Variants in HCN1 observed in about 807,000 individuals in gnomAD.
HCN1 encodes potassium/sodium hyperpolarization-activated cyclic nucleotide-gated channel 1.
Under a neutral mutation model 78.9 loss-of-function variants are expected in HCN1, and 13 were observed. That is an observed-to-expected ratio of 0.16 (90% CI 0.11 to 0.26). The LOEUF is 0.26. Ranked by LOEUF, HCN1 falls within the 10% of genes least tolerant of loss-of-function variation. HCN1 has a pLI of 1.00. For missense variants in HCN1, 810 were observed against 1,154.3 expected, an observed-to-expected ratio of 0.70 and a Z score of 4.32; for synonymous variants, 552 against 455.5, an observed-to-expected ratio of 1.21 and a Z score of -2.70.
intron 1 of HCN1, among the ~76,000 whole-genome samples, chr5:45,672,300 T>C (rs914022942): frequency 2.0e-5 from 3 of 151,580 alleles, no homozygotes; most frequent in African/African-American, 7.3e-5. Flanking sequence ...ATTATTCTCG[T>C]ACAGAATTTT....
chr5:45,325,994 G>A (rs953782679), intron 5 of HCN1, among the ~76,000 whole-genome samples: 1 of 151,234 alleles, frequency 6.6e-6, no homozygotes, highest in Non-Finnish European at 1.5e-5. Context: ...AAAAAAAAAG[G>A]AGGGCTGATG....
At chr5:45,653,664 T>C (rs1241854731) in intron 1 of HCN1, among the ~76,000 whole-genome samples, 1 of 152,014 alleles carries the variant, frequency 6.6e-6, no homozygotes. Flanking sequence ...GGGTTTATTA[T>C]AGCATTACAC....
At position 45,549,723 on chromosome 5, in the gene HCN1, G is replaced by A. The variant is rs1440313246; in HGVS notation, c.850-87716C>T. ...GAGTGAACAGGCAACCTACAGAATG[G>A]GAGAAAATTTTTGCAATCTACTCAT... On this transcript the variant is annotated intron_variant, in intron 2 of 7. Coordinates refer to ENST00000303230, the MANE Select transcript of HCN1 (RefSeq NM_021072.4). 2.0e-5 allele frequency among the ~76,000 whole-genome samples: 3 copies of A among 151,970 alleles called. No individual in the cohort carries two copies. In the East Asian group the frequency reaches 5.8e-4, roughly 29 times the overall value.
chr5:45,285,959 A>G (rs1482100886), intron 6 of HCN1, among the ~76,000 whole-genome samples: 1 of 151,924 alleles, frequency 6.6e-6, no homozygotes, highest in Non-Finnish European at 1.5e-5. Context: ...CTTTCTTTAT[A>G]GTTTGGGGAG....
At chr5:45,365,051 C>A (rs917824574) in intron 4 of HCN1, among the ~76,000 whole-genome samples, 3 of 151,914 alleles carry the variant, frequency 2.0e-5, no homozygotes, top group African/African-American at 7.2e-5. Context: ...TTAATATGTT[C>A]TAAAATATTA....
chr5:45,553,184 C>G (rs1743404322), intron 2 of HCN1, among the ~76,000 whole-genome samples: 1 of 151,882 alleles, frequency 6.6e-6, no homozygotes, highest in Admixed American at 6.6e-5. Flanking sequence ...ACTCCTATCA[C>G]AGGAACGGTG....
chr5:45,449,125 G>A (rs1740858184), intron 3 of HCN1, among the ~76,000 whole-genome samples: 1 of 152,104 alleles, frequency 6.6e-6, no homozygotes, highest in Non-Finnish European at 1.5e-5. Context: ...GTTTTATTTA[G>A]TTGGCATATA....
At chr5:45,660,874 T>A (rs1158024489) in intron 1 of HCN1, among the ~76,000 whole-genome samples, 1 of 117,874 alleles carries the variant, frequency 8.5e-6, no homozygotes. Context: ...AACACCCCAC[T>A]GTCAACATTA....
intron 2 of HCN1, among the ~76,000 whole-genome samples, chr5:45,629,975 A>G (rs971124746): frequency 2.0e-5 from 3 of 152,112 alleles, no homozygotes; most frequent in African/African-American, 7.2e-5. Context: ...TAAGTAAAAT[A>G]AAGATTAATT....
At chr5:45,432,371 T>C (rs192848627) in intron 3 of HCN1, among the ~76,000 whole-genome samples, 12 of 152,286 alleles carry the variant, frequency 7.9e-5, no homozygotes, top group Admixed American at 5.9e-4. Context: ...AATCATTTTC[T>C]CTGCAAAGGG....
rs1000481532 is a variant in HCN1, at chr5:45,501,926, T to G, written c.850-39919A>C. 2.6e-5 allele frequency among the ~76,000 whole-genome samples: 4 copies of G among 152,062 alleles called. No individual in the cohort carries two copies. The East Asian group carries it at 5.8e-4, about 22-fold the overall frequency. ...TTCTTCTCCATGTTGTTTGGCCAGG[T>G]GGGGTGCATGTAATTTAGTTTAGAT... On this transcript the variant is annotated intron_variant, in intron 2 of 7. Coordinates refer to ENST00000303230, the MANE Select transcript of HCN1 (RefSeq NM_021072.4).
intron 3 of HCN1, among the ~76,000 whole-genome samples, chr5:45,455,011 A>T (rs1272336902): frequency 6.6e-6 from 1 of 152,062 alleles, no homozygotes; most frequent in Non-Finnish European, 1.5e-5. Flanking sequence ...TCCTGATCTA[A>T]AGCCAGCTAA....
At chr5:45,523,912 G>T (rs1742671133) in intron 2 of HCN1, among the ~76,000 whole-genome samples, 1 of 152,132 alleles carries the variant, frequency 6.6e-6, no homozygotes, top group African/African-American at 2.4e-5. Flanking sequence ...TGCTTTTGGG[G>T]TTTTGGACAT....
chr5:45,361,883 G>T (rs1747118049), intron 4 of HCN1, among the ~76,000 whole-genome samples: 1 of 152,106 alleles, frequency 6.6e-6, no homozygotes, highest in East Asian at 1.9e-4. Context: ...TTGAAAAAAA[G>T]TGATGATGAG....
intron 5 of HCN1, among the ~76,000 whole-genome samples, chr5:45,329,455 T>C (rs930498092): frequency 6.6e-6 from 1 of 150,994 alleles, no homozygotes; most frequent in Admixed American, 6.6e-5. Context: ...TTAGGAAAAA[T>C]CAAGGAAAAG....
chr5:45,448,004 T>C (rs1006558846), intron 3 of HCN1, among the ~76,000 whole-genome samples: 16 of 151,840 alleles, frequency 1.1e-4, no homozygotes, highest in African/African-American at 3.9e-4. Flanking sequence ...CTGCTATATG[T>C]TTTTTATAAA....
At chr5:45,461,135 T>G (rs73101235) in intron 3 of HCN1, among the ~76,000 whole-genome samples, 16,066 of 151,936 alleles carry the variant, frequency 0.11, 1,027 homozygotes, top group Middle Eastern at 0.17. Flanking sequence ...AAAATATATA[T>G]AGAGAGATTT....
At chr5:45,404,693 C>CAAAAAAAAAAAAAAAAAAAA (rs60728403) in intron 3 of HCN1, among the ~76,000 whole-genome samples, 1 of 56,236 alleles carries the variant, frequency 1.8e-5, no homozygotes, top group Non-Finnish European at 3.5e-5. Context: ...GGGCTATTTG[C>CAAAAAAAAAAAAAAAAAAAA]AAAAAAAAAA....
At chr5:45,382,651 A>T (rs1432388522) in intron 4 of HCN1, among the ~76,000 whole-genome samples, 1 of 152,130 alleles carries the variant, frequency 6.6e-6, no homozygotes, top group African/African-American at 2.4e-5. Context: ...CAAATTTTGG[A>T]AATACTTTGG....
Sources: gnomAD v4.1 joint callset for allele counts (sites outside exome capture counted in the v4.1 genomes callset) on GRCh38, gnomAD v4.1.1 for gene constraint, MANE v1.5 for transcripts, NCBI Gene and HGNC (gene_info 2026-07-23, HGNC 2026-07-21) for gene names.